UBE4B: variants seen among roughly 807,000 people sequenced by gnomAD.
UBE4B encodes the protein ubiquitination factor E4B, also known as ubiquitin conjugation factor E4 B.
Under a neutral mutation model 148.1 loss-of-function variants are expected in UBE4B, and 27 were observed. The observed-to-expected ratio is 0.18, with a 90% CI of 0.13 to 0.25. The LOEUF (loss-of-function observed/expected upper bound fraction) is 0.25. UBE4B is among the 10% of genes least tolerant of loss of function. The pLI, the probability that UBE4B is intolerant of heterozygous loss-of-function variation, is 1.00. For synonymous variants in UBE4B, 596 were observed against 619.3 expected, an observed-to-expected ratio of 0.96 and a Z score of 0.56; for missense variants, 1,170 against 1,662.4, an observed-to-expected ratio of 0.70 and a Z score of 5.15.
rs534764155 is a variant in UBE4B, at chr1:10,100,981, G to C, written c.348-127G>C. 2.2e-5 allele frequency: 16 copies of C among 734,392 alleles called. No individual in the cohort carries two copies. The East Asian group carries it at 2.7e-4, about 12-fold the overall frequency. The allele number at this position is 734,392 out of a possible 1,614,324, so 45.5% of individuals were successfully genotyped here. ...ACTCTTAAAAATTAATAAGAAAAAAGATGGACCATTATCATTTTCCTTTCC... is the reference window on the plus strand; with the variant it reads ...ACTCTTAAAAATTAATAAGAAAAAACATGGACCATTATCATTTTCCTTTCC... On this transcript the variant is annotated intron_variant, in intron 3 of 27. Coordinates refer to ENST00000343090, the MANE Select transcript of UBE4B (RefSeq NM_001105562.3).
intron 21 of UBE4B, among the ~76,000 whole-genome samples, chr1:10,155,885 G>A (rs549753310): frequency 1.3e-4 from 20 of 152,264 alleles, no homozygotes; most frequent in Non-Finnish European, 2.8e-4. Flanking sequence ...TTATCCGGGT[G>A]TGGTGGTGGG....
chr1:10,069,598 G>A lies in UBE4B; in HGVS notation c.25-2430G>A, dbSNP rs147821897. Among the ~76,000 whole-genome samples, 707 of 152,220 alleles carry A rather than the reference G, an allele frequency of 4.6e-3. 3 individuals are homozygous for A. Among genetic ancestry groups the A allele is most frequent in the Middle Eastern group, 0.01 (3 of 294 alleles). On this transcript the variant is annotated intron_variant, in intron 1 of 27. Coordinates refer to ENST00000343090, the MANE Select transcript of UBE4B (RefSeq NM_001105562.3). Reference sequence around the variant, plus strand: ...CGCCCAGGCTGGAGTGCAGCGGTGCGATATTGGCTCACTGCAACCTCCGCC... The same window carrying A: ...CGCCCAGGCTGGAGTGCAGCGGTGCAATATTGGCTCACTGCAACCTCCGCC...
At position 10,145,047 on chromosome 1, in the gene UBE4B, T is replaced by C. The variant is rs191805416; in HGVS notation, c.2463+8T>C. ...TGTAAAACTCAGCTTAAGGTTTGTA[T>C]AGCTAAGTGGAATAATTATAGACCA... is the stretch of plus-strand genomic sequence containing the variant. On this transcript the variant is annotated splice_region_variant and intron_variant, in intron 18 of 27. Transcript: ENST00000343090. 5.0e-6 allele frequency: 8 copies of C among 1,608,658 alleles called. No individual in the cohort carries two copies. Among genetic ancestry groups the C allele is most frequent in the Middle Eastern group, 3.3e-4 (2 of 6,040 alleles).
chr1:10,168,127 G>A lies in UBE4B; in HGVS notation c.3199-9G>A. On this transcript the variant is annotated splice_polypyrimidine_tract_variant and intron_variant, in intron 23 of 27. Transcript: ENST00000343090. This position sits in a 1 kb window ranked among gnomAD's most constrained non-coding sequence, Gnocchi z 4.9. The stretch of plus-strand genomic sequence containing the variant: ...GAGCCTTACTCAGCGTCTGTTCGAT[G>A]TGTCCTAGGATCAGCAGCAGGCTCG... 2 of 1,610,482 alleles carry A rather than the reference G, an allele frequency of 1.2e-6. No individual in the cohort carries two copies. The highest frequency in any genetic ancestry group is 1.7e-6 in the Non-Finnish European group (2 of 1,177,720).
Position 10,168,270 on chromosome 1 carries a change from G to A in UBE4B, c.3333G>A (p.Pro1111=), listed in dbSNP as rs1259810529. 14 of 1,613,646 alleles carry A rather than the reference G, an allele frequency of 8.7e-6. No individual in the cohort carries two copies. Among genetic ancestry groups the A allele is most frequent in the South Asian group, 5.5e-5 (5 of 91,026 alleles). ...AGGTCCAGAAGCCCTTCCTCAGACC[G>A]GTGAGTAGAAACCCGGGGCTCTGTT... The part of the protein sequence containing the change: ...TKQVQKPFLR[P]ELGPRLAAML... Residue 1111 remains proline (P), a splice_region_variant and synonymous_variant, in exon 24 of 28, where the codon CCG becomes CCA. Transcript: ENST00000343090. This position sits in a 1 kb window ranked among gnomAD's most constrained non-coding sequence, Gnocchi z 4.9.
intron 8 of UBE4B, among the ~76,000 whole-genome samples, chr1:10,118,625 C>T (rs1017178067): frequency 2.0e-5 from 3 of 152,002 alleles, no homozygotes; most frequent in African/African-American, 7.3e-5. Context: ...CTGCCTCAGC[C>T]TCCCGAGTAG....
intron 21 of UBE4B, among the ~76,000 whole-genome samples, chr1:10,153,150 G>A (rs1646005534): frequency 1.3e-5 from 2 of 151,994 alleles, no homozygotes; most frequent in South Asian, 2.1e-4. Flanking sequence ...ACCCTAGAGA[G>A]GGCGGGCTGC....
intron 16 of UBE4B, among the ~76,000 whole-genome samples, chr1:10,135,735 C>CAAAA (rs33967541): frequency 4.5e-5 from 5 of 111,218 alleles, no homozygotes; most frequent in Admixed American, 2.2e-4. Context: ...GACTCTGTCT[C>CAAAA]AAAAAAAAAA....
intron 2 of UBE4B, among the ~76,000 whole-genome samples, chr1:10,090,487 C>T (rs556241988): frequency 3.5e-4 from 53 of 152,270 alleles, no homozygotes; most frequent in Middle Eastern, 6.8e-3. Context: ...AGTTTTTAGA[C>T]TCTGTAGACC....
At chr1:10,120,862 TA>T (rs1386515437) in intron 9 of UBE4B, among the ~76,000 whole-genome samples, 1 of 151,734 alleles carries the variant, frequency 6.6e-6, no homozygotes, top group Non-Finnish European at 1.5e-5. Flanking sequence ...ACTAAATAAA[TA>T]AAAATTCACA....
chr1:10,119,545 G>A lies in UBE4B; in HGVS notation c.1371G>A (p.Leu457=). The change falls in exon 9 of 28, where the codon CTG becomes CTA. Residue 457 remains leucine, a synonymous_variant. Transcript: ENST00000343090. The part of the protein sequence containing the change: ...MCSQPAVSQL[L]SNIRSQCISH... ...GCCAGCCAGCAGTCAGCCAGCTTCT[G>A]AGCAACATCCGCTCACAGTGCATAT... 3 of 1,613,742 alleles carry A rather than the reference G, an allele frequency of 1.9e-6. No individual in the cohort carries two copies. The Middle Eastern group carries it at 4.9e-4, about 266-fold the overall frequency.
rs949602830 is a variant in UBE4B, at chr1:10,107,352, T to G, written c.1196+769T>G. The G allele has an allele frequency of 4.7e-6, 6 of 1,288,624 alleles. No homozygotes were observed. In the African/African-American group the frequency reaches 9.1e-5, roughly 20 times the overall value. 79.8% of individuals were successfully genotyped at this position (1,288,624 alleles called of 1,614,324 possible). On this transcript the variant is annotated intron_variant, in intron 7 of 27. Transcript: ENST00000343090. ...AGGTGGTGGTGGTGGTGATGATTTT[T>G]CTTGTGTCCAGTTTGGGTCCAGGTA...
chr1:10,112,428 C>T (rs1195196308), intron 7 of UBE4B, among the ~76,000 whole-genome samples: 1 of 152,150 alleles, frequency 6.6e-6, no homozygotes, highest in Non-Finnish European at 1.5e-5. Context: ...TAGACGGAGT[C>T]TCGCTCTGTC....
intron 17 of UBE4B, among the ~76,000 whole-genome samples, chr1:10,143,720 T>G (rs1487410355): frequency 6.6e-6 from 1 of 152,224 alleles, no homozygotes; most frequent in Non-Finnish European, 1.5e-5. Context: ...AATCCAATTC[T>G]TCTGGGATAA....
At chr1:10,099,351 G>T (rs1465558574) in intron 3 of UBE4B, among the ~76,000 whole-genome samples, 2 of 152,032 alleles carry the variant, frequency 1.3e-5, no homozygotes, top group African/African-American at 4.8e-5. Context: ...GCAACAAAAA[G>T]TTAGAAAACG....
chr1:10,154,384 TA>T (rs925941474), intron 21 of UBE4B, among the ~76,000 whole-genome samples: 1 of 151,440 alleles, frequency 6.6e-6, no homozygotes, highest in Non-Finnish European at 1.5e-5. Flanking sequence ...AAAAAAATTT[TA>T]AAAAAAAAGA....
chr1:10,080,604 C>G (rs75035497), intron 2 of UBE4B, among the ~76,000 whole-genome samples: 52,540 of 151,766 alleles, frequency 0.35, 14,061 homozygotes, highest in African/African-American at 0.75. Flanking sequence ...AGAGATACCT[C>G]TACTCATGTT....
intron 25 of UBE4B, among the ~76,000 whole-genome samples, chr1:10,172,297 A>C (rs759665597): frequency 1.1e-4 from 17 of 152,112 alleles, no homozygotes; most frequent in Non-Finnish European, 2.5e-4. Context: ...CCTCACAGCT[A>C]ATGTTTATTA....
At chr1:10,175,075 G>A (rs189817398) in intron 25 of UBE4B, among the ~76,000 whole-genome samples, 1 of 152,264 alleles carries the variant, frequency 6.6e-6, no homozygotes, top group Admixed American at 6.5e-5. Context: ...GTAGGCTGAA[G>A]ACCCATGTCC....
Sources: allele counts gnomAD v4.1 joint callset (sites outside exome capture counted in the v4.1 genomes callset), GRCh38; gene constraint gnomAD v4.1.1; non-coding constraint Gnocchi (gnomAD v3.1); transcripts MANE v1.5; gene names NCBI Gene and HGNC (gene_info 2026-07-23, HGNC 2026-07-21).